The following TMEM120B variants were observed in gnomAD, a reference collection of about 807,000 sequenced individuals.
TMEM120B encodes transmembrane protein 120B.
A neutral mutation model predicts 55.5 loss-of-function variants in TMEM120B; 31 were observed. That is an observed-to-expected ratio of 0.56 (90% CI 0.42 to 0.75). The LOEUF is 0.75. Among genes scored for constraint, TMEM120B ranks in the 30% least tolerant of loss-of-function variants. The pLI, the probability that TMEM120B is intolerant of heterozygous loss-of-function variation, is 0.00. For missense variants in TMEM120B, 399 were observed against 425.5 expected, an observed-to-expected ratio of 0.94 and a Z score of 0.55; for synonymous variants, 203 against 176.3, an observed-to-expected ratio of 1.15 and a Z score of -1.20.
At chr12:121,753,580 CAAAAA>C (rs113566269) in intron 5 of TMEM120B, among the ~76,000 whole-genome samples, 1 of 143,940 alleles carries the variant, frequency 6.9e-6, no homozygotes. Flanking sequence ...CAAAAACAAA[CAAAAA>C]AAAAAAGAAT....
chr12:121,771,384 TTA>T, intron 7 of TMEM120B, 102 bp from the exon 8 acceptor site: 1 of 1,025,614 alleles, frequency 9.8e-7, no homozygotes, highest in East Asian at 2.4e-5. Flanking sequence ...CAGTTTGACT[TTA>T]TACACCTTTT....
chr12:121,741,746 C>T (rs1478992779), intron 1 of TMEM120B, among the ~76,000 whole-genome samples: 3 of 151,638 alleles, frequency 2.0e-5, no homozygotes, highest in African/African-American at 7.3e-5. Context: ...AATTCTCATG[C>T]CTTAGCCTCC....
chr12:121,774,640 C>A lies in TMEM120B; in HGVS notation c.773-18C>A, dbSNP rs757829249. The stretch of plus-strand genomic sequence containing the variant: ...CGGACCCCCTCAGCGGGTCCTTTTT[C>A]TTCCCTCCTCTCCACAGAAGGGTTC... On this transcript the variant is annotated intron_variant, in intron 9 of 11. Coordinates refer to ENST00000449592, the MANE Select transcript of TMEM120B (RefSeq NM_001080825.2). 3.7e-6 allele frequency: 6 copies of A among 1,612,702 alleles called. No individual in the cohort carries two copies. In the South Asian group the frequency reaches 6.6e-5, roughly 18 times the overall value.
At chr12:121,746,956 TC>T (rs1390911728) in intron 2 of TMEM120B, among the ~76,000 whole-genome samples, 2 of 144,180 alleles carry the variant, frequency 1.4e-5, no homozygotes, top group African/African-American at 5.4e-5. Flanking sequence ...AGACTCTGTC[TC>T]AAAAAAAAAA....
At chr12:121,731,917 A>G (rs1255220440) in intron 1 of TMEM120B, among the ~76,000 whole-genome samples, 1 of 152,232 alleles carries the variant, frequency 6.6e-6, no homozygotes, top group Non-Finnish European at 1.5e-5. Flanking sequence ...CAGGCGGATC[A>G]CCTGAGGTCA....
chr12:121,766,194 G>A (rs1330315793), intron 6 of TMEM120B, among the ~76,000 whole-genome samples: 1 of 152,108 alleles, frequency 6.6e-6, no homozygotes, highest in Non-Finnish European at 1.5e-5. Context: ...GTGTGGTCAG[G>A]GGAGCAGGTA....
In TMEM120B at chr12:121,781,065, C is replaced by T. The variant is rs1023040974; in HGVS notation, c.*5343C>T. ...CCGGGCCCAGATGTGGGGCCACCAC[C>T]CAGGAGGCCGGCCTCACCTTGATGA... On this transcript the variant is annotated 3_prime_UTR_variant, in exon 12 of 12. Transcript: ENST00000449592. 6.2e-7 allele frequency: 1 copy of T among 1,614,028 alleles called. No homozygotes were observed. Among genetic ancestry groups the T allele is most frequent in the African/African-American group, 1.3e-5 (1 of 75,062 alleles).
chr12:121,779,543 C>G lies in TMEM120B; in HGVS notation c.*3821C>G. On this transcript the variant is annotated 3_prime_UTR_variant, in exon 12 of 12. Transcript: ENST00000449592. ...GGCGCTTCTTCTGCCGTTGCGCCTT[C>G]TTCAGAGCGCTGAGAGCCACCTTGG... is the stretch of plus-strand genomic sequence containing the variant. The G allele has an allele frequency of 6.2e-7, 1 of 1,613,258 alleles. No homozygotes were observed. Among genetic ancestry groups the G allele is most frequent in the Non-Finnish European group, 8.5e-7 (1 of 1,179,404 alleles).
Position 121,775,228 on chromosome 12 carries a change from G to A in TMEM120B, c.906+98G>A. On this transcript the variant is annotated intron_variant, in intron 11 of 11. Coordinates refer to ENST00000449592, the MANE Select transcript of TMEM120B (RefSeq NM_001080825.2). The surrounding 1 kb of genome is among the most constrained non-coding windows in gnomAD (Gnocchi z 4.3). ...GGCATGCTGGGGTGCGGATTCCTGG[G>A]GAGGGCTGGGATGGCAGATGTGGGG... 1 of 1,238,666 alleles carries A rather than the reference G, an allele frequency of 8.1e-7. No homozygotes were observed. Among genetic ancestry groups the A allele is most frequent in the Non-Finnish European group, 1.1e-6 (1 of 902,438 alleles). The allele number at this position is 1,238,666 out of a possible 1,614,324, so 76.7% of individuals were successfully genotyped here. A position where few individuals can be genotyped will look rare whatever the true frequency, so the allele number is the denominator to read the frequency against.
rs899355916 is a variant in TMEM120B at position 121,774,531 on chromosome 12, C to A, written c.773-127C>A. On this transcript the variant is annotated intron_variant, in intron 9 of 11. Transcript: ENST00000449592. ...CCAGCTATGACAGGTGAGGGCTGAC[C>A]CCCCGCATGTGTGACTGTCCCTGGC... The A allele has an allele frequency of 3.6e-6, 3 of 839,542 alleles. No individual in the cohort carries two copies. The African/African-American group carries it at 5.1e-5, about 14-fold the overall frequency. The allele number at this position is 839,542 out of a possible 1,614,324, so 52.0% of individuals were successfully genotyped here.
intron 8 of TMEM120B, among the ~76,000 whole-genome samples, chr12:121,772,015 GCCTTTCT>G (rs1454175721): frequency 8.3e-4 from 126 of 151,662 alleles, no homozygotes; most frequent in Non-Finnish European, 1.5e-3. Context: ...TGTGTGTATT[GCCTTTCT>G]TTCCCTTTCT....
intron 5 of TMEM120B, chr12:121,758,760 C>CCACG (rs1873567913): frequency 2.1e-6 from 2 of 963,722 alleles, no homozygotes; most frequent in African/African-American, 4.3e-5. Flanking sequence ...ACGGCCCAGC[C>CCACG]CTGCGCTGTG....
At chr12:121,754,692 C>T (rs147101776) in intron 5 of TMEM120B, among the ~76,000 whole-genome samples, 2 of 152,328 alleles carry the variant, frequency 1.3e-5, no homozygotes, top group East Asian at 1.9e-4. Flanking sequence ...TTAGAGCCCA[C>T]CCTAACACAG....
chr12:121,771,505 A>AT lies in TMEM120B; in HGVS notation c.636dup (p.Gln213SerfsTer79). ...CTCTCCAGGCCTAATGGACCCATTT[A>AT]TCAGAAGTTTCGCAACCAGTTCTTA... is the stretch of plus-strand genomic sequence containing the variant. On this transcript the variant is annotated frameshift_variant, in exon 8 of 12. Coordinates refer to ENST00000449592, the MANE Select transcript of TMEM120B (RefSeq NM_001080825.2). LOFTEE classifies it high-confidence loss of function. 6.2e-7 allele frequency: 1 copy of AT among 1,614,048 alleles called. No homozygotes were observed. Among genetic ancestry groups the AT allele is most frequent in the South Asian group, 1.1e-5 (1 of 91,084 alleles).
chr12:121,774,571 C>A (rs1874173126), intron 9 of TMEM120B, 87 bp from the exon 10 acceptor site: 2 of 1,312,980 alleles, frequency 1.5e-6, no homozygotes, highest in African/African-American at 1.5e-5. Flanking sequence ...CTTAGGGTGA[C>A]TGGTGTGGCT....
intron 5 of TMEM120B, among the ~76,000 whole-genome samples, chr12:121,759,456 T>C (rs1042021174): frequency 2.6e-5 from 4 of 151,912 alleles, no homozygotes; most frequent in Non-Finnish European, 5.9e-5. Flanking sequence ...GGCAGGTGGA[T>C]CACCTGAGGT....
chr12:121,775,486 C>T lies in TMEM120B; in HGVS notation c.907-123C>T, dbSNP rs536746661. 1.9e-4 allele frequency: 279 copies of T among 1,459,012 alleles called. No individual in the cohort carries two copies. The South Asian group carries it at 3.7e-3, about 19-fold the overall frequency. 90.4% of individuals were successfully genotyped at this position (1,459,012 alleles called of 1,614,324 possible). On this transcript the variant is annotated intron_variant, in intron 11 of 11. Transcript: ENST00000449592. This position sits in a 1 kb window ranked among gnomAD's most constrained non-coding sequence, Gnocchi z 4.3. ...CCCAGGTCTCCTGAATCTCTGCCTT[C>T]GATGGCAAAACCCTGCAGTTTGGGA...
intron 1 of TMEM120B, among the ~76,000 whole-genome samples, chr12:121,734,768 C>T (rs1231182970): frequency 1.3e-5 from 2 of 151,912 alleles, no homozygotes; most frequent in African/African-American, 4.8e-5. Context: ...CAAAAATTAG[C>T]TGGGCGTGAT....
chr12:121,773,980 C>T (rs936685974), intron 9 of TMEM120B, among the ~76,000 whole-genome samples: 5 of 116,208 alleles, frequency 4.3e-5, no homozygotes, highest in Admixed American at 1.1e-4. Context: ...TTTTTTGAGA[C>T]GGAGTCTCAC....
Sources: allele counts gnomAD v4.1 joint callset (sites outside exome capture counted in the v4.1 genomes callset), GRCh38; gene constraint gnomAD v4.1.1; non-coding constraint Gnocchi (gnomAD v3.1); transcripts MANE v1.5; gene names NCBI Gene and HGNC (gene_info 2026-07-23, HGNC 2026-07-21).